PRKCB: variants seen among roughly 807,000 people sequenced by gnomAD.
The protein encoded by PRKCB is protein kinase C beta.
PRKCB carries 13 observed loss-of-function variants against 81.5 expected under a neutral mutation model. The ratio of observed to expected loss-of-function variants is 0.16; its 90% CI spans 0.10 to 0.25. PRKCB has a LOEUF of 0.25. Ranked by LOEUF, PRKCB falls within the 10% of genes least tolerant of loss-of-function variation. The pLI is 1.00. For synonymous variants in PRKCB, 335 were observed against 321.4 expected (o/e 1.04, Z -0.45); for missense variants, 509 against 875.7 (o/e 0.58, Z 5.29).
At chr16:23,953,465 T>C (rs377711353) in intron 2 of PRKCB, among the ~76,000 whole-genome samples, 15 of 152,330 alleles carry the variant, frequency 9.8e-5, no homozygotes, top group Admixed American at 3.3e-4. Flanking sequence ...GGAGAAAGCA[T>C]GGGGTATCAC....
At chr16:24,160,055 A>G (rs1186800906) in intron 10 of PRKCB, among the ~76,000 whole-genome samples, 1 of 152,082 alleles carries the variant, frequency 6.6e-6, no homozygotes, top group Non-Finnish European at 1.5e-5. Context: ...TCTTCACAAA[A>G]GCACTATAAG....
chr16:23,935,184 C>A (rs957881456), intron 2 of PRKCB, among the ~76,000 whole-genome samples: 1 of 152,122 alleles, frequency 6.6e-6, no homozygotes, highest in Non-Finnish European at 1.5e-5. Flanking sequence ...CTTTTAAATG[C>A]CCCAATGCCC....
At chr16:23,855,530 G>A (rs1323958341) in intron 2 of PRKCB, among the ~76,000 whole-genome samples, 1 of 152,150 alleles carries the variant, frequency 6.6e-6, no homozygotes, top group South Asian at 2.1e-4. Flanking sequence ...GTTCTTAAAT[G>A]TGCCCTTGTA....
chr16:24,123,884 A>ACACTGT lies in PRKCB; in HGVS notation c.970_975dup (p.Thr324_Val325dup). 1.2e-6 allele frequency: 2 copies of ACACTGT among 1,614,176 alleles called. No homozygotes were observed. The highest frequency in any genetic ancestry group is 1.7e-6 in the Non-Finnish European group (2 of 1,180,016). Reference sequence around the variant, plus strand: ...AAGGTCCCGGAAGAAAAGACGACCAACACTGTCTCCAAATTTGACAACAAT... The same window carrying ACACTGT: ...AAGGTCCCGGAAGAAAAGACGACCAACACTGTCACTGTCTCCAAATTTGACAACAAT... On this transcript the variant is annotated inframe_insertion, in exon 9 of 17. Coordinates refer to ENST00000643927, the MANE Select transcript of PRKCB (RefSeq NM_002738.7).
chr16:23,854,992 AG>A lies in PRKCB; in HGVS notation c.205+17587del, dbSNP rs1962539559. Among the ~76,000 whole-genome samples the A allele has an allele frequency of 2.0e-5, 3 of 152,180 alleles. No homozygotes were observed. In the South Asian group the frequency reaches 6.2e-4, roughly 32 times the overall value. ...TATGCAAAGGATACGGCCAGGACTTAGTGCACACGCAACACTGAATACTACC... is the reference window on the plus strand; with the variant it reads ...TATGCAAAGGATACGGCCAGGACTTATGCACACGCAACACTGAATACTACC... On this transcript the variant is annotated intron_variant, in intron 2 of 16. Transcript: ENST00000643927.
In PRKCB at chr16:24,154,829, C is replaced by T; in HGVS notation, c.1211C>T (p.Thr404Ile). 6.2e-7 allele frequency: 1 copy of T among 1,613,982 alleles called. No homozygotes were observed. The highest frequency in any genetic ancestry group is 1.1e-5 in the South Asian group (1 of 91,020). ...CTGCCTGGGAAGCCGCCCTTCCTGA[C>T]CCAGCTCCACTCCTGCTTCCAGACC... Reference protein sequence around the residue: ...LALPGKPPFLTQLHSCFQTMD... With the variant: ...LALPGKPPFLIQLHSCFQTMD... The change falls in exon 10 of 17, where the codon ACC becomes ATC. Residue 404 changes from threonine to isoleucine, a missense_variant. Around this residue, in one of 6 missense-constraint regions of PRKCB, gnomAD observed 106 missense variants for 214.0 expected, o/e 0.50. Transcript: ENST00000643927.
chr16:24,143,325 G>T (rs181184973), intron 9 of PRKCB, among the ~76,000 whole-genome samples: 14,676 of 151,946 alleles, frequency 0.097, 761 homozygotes, highest in East Asian at 0.2. Flanking sequence ...TAGAGACGGG[G>T]TTTCACCATG....
intron 5 of PRKCB, among the ~76,000 whole-genome samples, chr16:24,087,347 C>T (rs1966321634): frequency 6.6e-6 from 1 of 152,168 alleles, no homozygotes; most frequent in Non-Finnish European, 1.5e-5. Flanking sequence ...ATATAGATAA[C>T]CCAATGTTAT....
intron 5 of PRKCB, among the ~76,000 whole-genome samples, chr16:24,044,266 C>T (rs1054007298): frequency 4.0e-5 from 6 of 151,890 alleles, no homozygotes; most frequent in Admixed American, 6.6e-5. Flanking sequence ...GGGTGAGACA[C>T]GAGAATCACT....
intron 8 of PRKCB, among the ~76,000 whole-genome samples, chr16:24,116,400 A>AT (rs1348767017): frequency 2.0e-5 from 3 of 152,016 alleles, no homozygotes; most frequent in African/African-American, 7.2e-5. Flanking sequence ...ATTATTAAAA[A>AT]ATATATATTT....
chr16:24,017,380 A>G (rs1965293140), intron 3 of PRKCB, among the ~76,000 whole-genome samples: 3 of 152,232 alleles, frequency 2.0e-5, no homozygotes, highest in Non-Finnish European at 4.4e-5. Context: ...ATTTCAATGT[A>G]AAAAAGTGAA....
chr16:24,110,171 A>AGAGGGT (rs1567377995), intron 7 of PRKCB, among the ~76,000 whole-genome samples: 174 of 99,976 alleles, frequency 1.7e-3, no homozygotes, highest in African/African-American at 9.2e-3. Context: ...AGGGAGAGGG[A>AGAGGGT]GAGGGAGAGG....
At chr16:23,843,426 A>G (rs2141075746) in intron 2 of PRKCB, among the ~76,000 whole-genome samples, 1 of 152,116 alleles carries the variant, frequency 6.6e-6, no homozygotes, top group East Asian at 1.9e-4. Flanking sequence ...TTCGTGTTTG[A>G]TGATTTGGCT....
At chr16:23,865,479 A>ATG in intron 2 of PRKCB, among the ~76,000 whole-genome samples, 1 of 3,064 alleles carries the variant, frequency 3.3e-4, no homozygotes, top group South Asian at 0.012. Context: ...ATATATATAT[A>ATG]TATATATATA....
At chr16:23,909,186 G>A (rs930067617) in intron 2 of PRKCB, among the ~76,000 whole-genome samples, 3 of 152,172 alleles carry the variant, frequency 2.0e-5, no homozygotes, top group African/African-American at 7.2e-5. Context: ...TTTTTAATGG[G>A]CACAAATTAT....
chr16:23,917,512 G>C (rs145187068), intron 2 of PRKCB, among the ~76,000 whole-genome samples: 11 of 152,316 alleles, frequency 7.2e-5, no homozygotes, highest in African/African-American at 2.6e-4. Context: ...ACCTGGCCTG[G>C]GGTGACTGGA....
intron 2 of PRKCB, among the ~76,000 whole-genome samples, chr16:23,880,246 T>C (rs908096708): frequency 6.6e-6 from 1 of 152,112 alleles, no homozygotes; most frequent in Admixed American, 6.6e-5. Context: ...AAGGGCTCTT[T>C]CCTCCTAGTA....
intron 9 of PRKCB, 69 bp from the exon 10 acceptor site, chr16:24,154,615 A>G: frequency 6.7e-7 from 1 of 1,503,062 alleles, no homozygotes; most frequent in Admixed American, 1.7e-5. Flanking sequence ...CTACAAATGA[A>G]CACCAGCTGC....
intron 2 of PRKCB, among the ~76,000 whole-genome samples, chr16:23,900,030 C>T (rs1403501619): frequency 1.3e-5 from 2 of 152,098 alleles, no homozygotes; most frequent in Non-Finnish European, 2.9e-5. Flanking sequence ...CATAATTTAA[C>T]TCAAGTGATT....
Sources: allele counts gnomAD v4.1 joint callset (sites outside exome capture counted in the v4.1 genomes callset), GRCh38; gene constraint gnomAD v4.1.1; regional missense constraint gnomAD v4.1.1; transcripts MANE v1.5; gene names NCBI Gene and HGNC (gene_info 2026-07-23, HGNC 2026-07-21).